ERBB4: variants seen among roughly 807,000 people sequenced by gnomAD.
ERBB4 encodes the protein receptor tyrosine-protein kinase erbB-4.
A neutral mutation model predicts 158.0 loss-of-function variants in ERBB4; 42 were observed. That is an observed-to-expected ratio of 0.27 (90% CI 0.21 to 0.34). The LOEUF is 0.34. Ranked by LOEUF, ERBB4 falls within the 10% of genes least tolerant of loss-of-function variation. ERBB4 has a pLI of 1.00. For synonymous variants in ERBB4, 583 were observed against 558.7 expected (o/e 1.04, Z -0.61); for missense variants, 1,333 against 1,624.1 (o/e 0.82, Z 3.08).
intron 2 of ERBB4, among the ~76,000 whole-genome samples, chr2:211,971,475 G>A (rs866457745): frequency 1.3e-5 from 2 of 152,054 alleles, no homozygotes; most frequent in Admixed American, 1.3e-4. Flanking sequence ...TCTACTAGAG[G>A]TATAAAGAAG....
At chr2:211,962,229 T>C (rs755914085) in intron 2 of ERBB4, among the ~76,000 whole-genome samples, 1 of 152,112 alleles carries the variant, frequency 6.6e-6, no homozygotes, top group Non-Finnish European at 1.5e-5. Flanking sequence ...AGAAAAGACA[T>C]AAAAATGTCC....
chr2:211,947,563 G>A lies in ERBB4; in HGVS notation c.288C>T (p.Tyr96=), dbSNP rs1455721729. 3 of 1,613,688 alleles carry A rather than the reference G, an allele frequency of 1.9e-6. No homozygotes were observed. The highest frequency in any genetic ancestry group is 2.5e-6 in the Non-Finnish European group (3 of 1,179,914). ...YVLVALNQFR[Y]LPLENLRIIR... ...TAATGCGTAAATTCTCCAGAGGCAG[G>A]TAACGAAACTGATTAAGAGCCACTA... Residue 96 remains tyrosine, a synonymous_variant, in exon 3 of 28, where the codon TAC becomes TAT. Transcript: ENST00000342788.
intron 20 of ERBB4, among the ~76,000 whole-genome samples, chr2:211,475,544 TA>T (rs2064932974): frequency 6.6e-6 from 1 of 152,074 alleles, no homozygotes; most frequent in South Asian, 2.1e-4. Context: ...TATAATGACA[TA>T]TAAATATGGA....
At chr2:212,437,405 A>C (rs2092161433) in intron 1 of ERBB4, among the ~76,000 whole-genome samples, 1 of 151,946 alleles carries the variant, frequency 6.6e-6, no homozygotes, top group African/African-American at 2.4e-5. Context: ...TTTGAGTTCT[A>C]AAGAGCTGTA....
At chr2:212,199,516 G>A (rs938636682) in intron 1 of ERBB4, among the ~76,000 whole-genome samples, 1 of 152,124 alleles carries the variant, frequency 6.6e-6, no homozygotes, top group African/African-American at 2.4e-5. Context: ...CGGCTGCAGA[G>A]GAAGGAGACT....
intron 1 of ERBB4, among the ~76,000 whole-genome samples, chr2:212,457,900 T>C (rs368362996): frequency 1.4e-4 from 21 of 152,138 alleles, no homozygotes; most frequent in African/African-American, 5.1e-4. Flanking sequence ...ACCCTAGTAA[T>C]ATTTACAAGG....
At chr2:211,951,676 T>C (rs971646082) in intron 2 of ERBB4, among the ~76,000 whole-genome samples, 1 of 152,112 alleles carries the variant, frequency 6.6e-6, no homozygotes, top group African/African-American at 2.4e-5. Flanking sequence ...GCTACTCCCT[T>C]GTAAAGATTC....
intron 19 of ERBB4, among the ~76,000 whole-genome samples, chr2:211,585,280 AGGC>A (rs2068237135): frequency 6.8e-6 from 1 of 147,148 alleles, no homozygotes. Context: ...TGAACCTGGG[AGGC>A]GGAGCTTGTA....
At chr2:212,277,949 G>GA (rs138371137) in intron 1 of ERBB4, among the ~76,000 whole-genome samples, 6,072 of 151,342 alleles carry the variant, frequency 0.04, 199 homozygotes, top group South Asian at 0.15. Context: ...GGAACAACTT[G>GA]AAAAAAAATC....
intron 4 of ERBB4, among the ~76,000 whole-genome samples, chr2:211,762,461 G>A (rs1237166147): frequency 2.6e-5 from 4 of 152,204 alleles, no homozygotes; most frequent in Non-Finnish European, 4.4e-5. Context: ...GCTGGTGCAC[G>A]TGGAGAGAGA....
At chr2:212,204,979 C>T (rs555819834) in intron 1 of ERBB4, among the ~76,000 whole-genome samples, 61 of 150,800 alleles carry the variant, frequency 4.0e-4, no homozygotes, top group African/African-American at 1.4e-3. Context: ...CCACCACGCC[C>T]GGCTAGTTTT....
intron 3 of ERBB4, among the ~76,000 whole-genome samples, chr2:211,861,360 T>G (rs1208943589): frequency 3.8e-5 from 5 of 132,200 alleles, no homozygotes; most frequent in East Asian, 2.1e-4. Context: ...GTTTTTTTTT[T>G]TTTTTTTTTA....
intron 4 of ERBB4, among the ~76,000 whole-genome samples, chr2:211,767,540 A>G (rs36045110): frequency 0.14 from 21,692 of 152,192 alleles, 1,757 homozygotes; most frequent in South Asian, 0.33. Context: ...AAGAAAAGAG[A>G]TTTAATTGAC....
chr2:211,636,169 A>G (rs1465262865), intron 16 of ERBB4, among the ~76,000 whole-genome samples: 1 of 152,028 alleles, frequency 6.6e-6, no homozygotes, highest in East Asian at 1.9e-4. Flanking sequence ...TAGTCAGATA[A>G]ATTTAACAGG....
chr2:211,597,809 C>T (rs79849308), intron 19 of ERBB4, among the ~76,000 whole-genome samples: 3,098 of 152,038 alleles, frequency 0.02, 98 homozygotes, highest in African/African-American at 0.071. Flanking sequence ...TGATCAGTTG[C>T]TAAATGAATT....
chr2:211,520,950 A>G lies in ERBB4; in HGVS notation c.2487+40953T>C, dbSNP rs947109755. The stretch of plus-strand genomic sequence containing the variant: ...GACAATGAACTTAATGGATAAATGT[A>G]GGTTCTAACTGCTCTACCAATCAGC... On this transcript the variant is annotated intron_variant, in intron 20 of 27. Transcript: ENST00000342788. 5.9e-4 allele frequency among the ~76,000 whole-genome samples: 90 copies of G among 152,258 alleles called. 1 individual carries two copies. Among genetic ancestry groups the G allele is most frequent in the African/African-American group, 2.0e-3 (82 of 41,562 alleles).
chr2:211,900,373 A>AACACAC (rs72160363), intron 3 of ERBB4, among the ~76,000 whole-genome samples: 157 of 148,716 alleles, frequency 1.1e-3, no homozygotes, highest in Non-Finnish European at 1.9e-3. Flanking sequence ...TTTATGTTTA[A>AACACAC]ACACACACAC....
intron 22 of ERBB4, among the ~76,000 whole-genome samples, chr2:211,425,569 C>T (rs1574466747): frequency 6.6e-6 from 1 of 151,772 alleles, no homozygotes; most frequent in Admixed American, 6.6e-5. Flanking sequence ...ATGAGGCAGG[C>T]TGCAACAAGT....
At chr2:212,398,156 A>G (rs1374882942) in intron 1 of ERBB4, among the ~76,000 whole-genome samples, 1 of 151,780 alleles carries the variant, frequency 6.6e-6, no homozygotes. Flanking sequence ...ACACACATAT[A>G]TATGTATTAT....
Sources: allele counts gnomAD v4.1 joint callset (sites outside exome capture counted in the v4.1 genomes callset), GRCh38; gene constraint gnomAD v4.1.1; transcripts MANE v1.5; gene names NCBI Gene and HGNC (gene_info 2026-07-23, HGNC 2026-07-21).